Variants in GDNF observed in about 807,000 individuals in gnomAD.
GDNF encodes glial cell line-derived neurotrophic factor.
In GDNF, 5 loss-of-function variants were observed where a neutral mutation model predicts 13.7. That is an observed-to-expected ratio of 0.36 (90% CI 0.19 to 0.77). The LOEUF is 0.77. GDNF is among the 30% of genes least tolerant of loss of function. The pLI, the probability that GDNF is intolerant of heterozygous loss-of-function variation, is 0.51. For missense variants in GDNF, 246 were observed against 274.3 expected, an observed-to-expected ratio of 0.90 and a Z score of 0.73; for synonymous variants, 122 against 112.5, an observed-to-expected ratio of 1.08 and a Z score of -0.53.
At chr5:37,820,699 ACT>A (rs1561128909) in intron 2 of GDNF, among the ~76,000 whole-genome samples, 1 of 151,990 alleles carries the variant, frequency 6.6e-6, no homozygotes, top group Non-Finnish European at 1.5e-5. Flanking sequence ...GTATATGGGA[ACT>A]CTCTGCCTTC....
chr5:37,835,745 A>T (rs1750681844), intron 1 of GDNF: 5 of 1,131,010 alleles, frequency 4.4e-6, no homozygotes, highest in Non-Finnish European at 6.5e-6. Context: ...TCTGGCCCTA[A>T]TCCCTTCCCC....
At chr5:37,826,716 C>T (rs1383160740) in intron 2 of GDNF, among the ~76,000 whole-genome samples, 2 of 152,210 alleles carry the variant, frequency 1.3e-5, no homozygotes, top group African/African-American at 2.4e-5. Flanking sequence ...AAAGGGAATC[C>T]ATGTCCATTT....
chr5:37,828,959 C>G (rs1167324900), intron 2 of GDNF, among the ~76,000 whole-genome samples: 1 of 152,258 alleles, frequency 6.6e-6, no homozygotes, highest in Non-Finnish European at 1.5e-5. Context: ...CACTCAAAAG[C>G]AGTCTGGGTA....
rs547790814 is a variant in GDNF at position 37,837,535 on chromosome 5, G to A, written c.-27+1972C>T. 1.4e-4 allele frequency among the ~76,000 whole-genome samples: 22 copies of A among 152,312 alleles called. No homozygotes were observed. In the East Asian group the frequency reaches 2.9e-3, roughly 20 times the overall value. ...GTGCTCGCAGAAGCAGCCGCTCGCC[G>A]CGAGGCACTTCTGAGTTCCCGGCAG... is the stretch of plus-strand genomic sequence containing the variant. On this transcript the variant is annotated intron_variant, in intron 1 of 2. Coordinates refer to ENST00000326524, the MANE Select transcript of GDNF (RefSeq NM_000514.4). The surrounding 1 kb of genome is among the most constrained non-coding windows in gnomAD (Gnocchi z 6.5).
intron 2 of GDNF, among the ~76,000 whole-genome samples, chr5:37,822,682 C>T (rs184790138): frequency 3.9e-5 from 6 of 152,182 alleles, no homozygotes; most frequent in Non-Finnish European, 8.8e-5. Context: ...ATGCAAATTG[C>T]TCTACAGGCC....
At chr5:37,830,320 C>T (rs913117400) in intron 2 of GDNF, among the ~76,000 whole-genome samples, 5 of 152,108 alleles carry the variant, frequency 3.3e-5, no homozygotes, top group African/African-American at 7.2e-5. Context: ...CTTCCCATGA[C>T]GGAAGAGGTC....
At chr5:37,835,769 A>G (rs1041444442) in intron 1 of GDNF, 1 of 920,332 alleles carries the variant, frequency 1.1e-6, no homozygotes, top group African/African-American at 1.6e-5. Flanking sequence ...CAGAGGAGTC[A>G]CTGGCTCCCC....
intron 2 of GDNF, 21 bp downstream of exon 2, chr5:37,834,625 C>A: frequency 6.8e-7 from 1 of 1,479,710 alleles, no homozygotes; most frequent in Non-Finnish European, 8.9e-7. Context: ...GGCCCCCCCG[C>A]GGGGAGGGAA....
chr5:37,822,179 G>A (rs1750161504), intron 2 of GDNF, among the ~76,000 whole-genome samples: 1 of 152,162 alleles, frequency 6.6e-6, no homozygotes, highest in South Asian at 2.1e-4. Flanking sequence ...AGGCTCAGAG[G>A]GACCCAGGAG....
At position 37,835,780 on chromosome 5, in the gene GDNF, G is replaced by A. The variant is rs1581592930; in HGVS notation, c.-26-958C>T. ...CTCCCAGAGGAGTCACTGGCTCCCC[G>A]CGCCCCCGTCACGCCTGGACGACTG... is the stretch of plus-strand genomic sequence containing the variant. On this transcript the variant is annotated intron_variant, in intron 1 of 2. Coordinates refer to ENST00000326524, the MANE Select transcript of GDNF (RefSeq NM_000514.4). 1.8e-5 allele frequency: 15 copies of A among 835,998 alleles called. No homozygotes were observed. The East Asian group carries it at 3.4e-4, about 19-fold the overall frequency. The allele number at this position is 835,998 out of a possible 1,614,324, so 51.8% of individuals were successfully genotyped here.
At chr5:37,833,039 C>A (rs1750575218) in intron 2 of GDNF, among the ~76,000 whole-genome samples, 1 of 152,180 alleles carries the variant, frequency 6.6e-6, no homozygotes, top group Non-Finnish European at 1.5e-5. Context: ...CTGAAAGTCA[C>A]AGAGTTAGTT....
chr5:37,816,980 T>A (rs927878378), intron 2 of GDNF, among the ~76,000 whole-genome samples: 2 of 152,206 alleles, frequency 1.3e-5, no homozygotes, highest in African/African-American at 4.8e-5. Flanking sequence ...TAGAGTAAAA[T>A]GGCATTTATG....
intron 2 of GDNF, among the ~76,000 whole-genome samples, chr5:37,823,096 C>A (rs546339709): frequency 6.6e-6 from 1 of 152,314 alleles, no homozygotes; most frequent in Admixed American, 6.5e-5. Flanking sequence ...TAACTTTAAA[C>A]CTGACAACCT....
chr5:37,820,294 G>A (rs1035937394), intron 2 of GDNF, among the ~76,000 whole-genome samples: 5 of 152,194 alleles, frequency 3.3e-5, no homozygotes, highest in African/African-American at 1.2e-4. Context: ...TAATCTATAT[G>A]ATATATAACT....
At chr5:37,825,126 T>C (rs1243623483) in intron 2 of GDNF, among the ~76,000 whole-genome samples, 1 of 152,216 alleles carries the variant, frequency 6.6e-6, no homozygotes, top group Non-Finnish European at 1.5e-5. Context: ...CTGAATGACA[T>C]TGCACATACT....
At chr5:37,830,761 CTT>C (rs943094286) in intron 2 of GDNF, among the ~76,000 whole-genome samples, 4 of 152,300 alleles carry the variant, frequency 2.6e-5, no homozygotes, top group Admixed American at 6.5e-5. Flanking sequence ...CAGATTTACT[CTT>C]ATGCCTATTT....
At chr5:37,833,021 T>G (rs1246227739) in intron 2 of GDNF, among the ~76,000 whole-genome samples, 1 of 152,222 alleles carries the variant, frequency 6.6e-6, no homozygotes, top group Non-Finnish European at 1.5e-5. Flanking sequence ...AGCTCTAAAG[T>G]AACTTGCCTG....
At position 37,815,115 on chromosome 5, in the gene GDNF, T is replaced by A. The variant is rs747010935; in HGVS notation, c.*536A>T. 4.4e-5 allele frequency: 7 copies of A among 157,346 alleles called. No individual in the cohort carries two copies. The highest frequency in any genetic ancestry group is 1.7e-4 in the African/African-American group (7 of 41,472). 9.7% of individuals were successfully genotyped at this position (157,346 alleles called of 1,614,324 possible). On this transcript the variant is annotated 3_prime_UTR_variant, in exon 3 of 3. Transcript: ENST00000326524. The surrounding 1 kb of genome is among the most constrained non-coding windows in gnomAD (Gnocchi z 5.0). ...GATTATCTCTTGTATCTTTGCTTTT[T>A]TTTTCCCCTCTCCTTTCCAGGGTAT...
In GDNF at chr5:37,818,062, C is replaced by A. The variant is rs1285780084; in HGVS notation, c.152-1927G>T. On this transcript the variant is annotated intron_variant, in intron 2 of 2. Coordinates refer to ENST00000326524, the MANE Select transcript of GDNF (RefSeq NM_000514.4). ...TTCTTGTTCCCTCCCGTCTAGCTAC[C>A]CTGGCTTCCTTACCATTCCTCAAAC... Among the ~76,000 whole-genome samples, 3 of 152,158 alleles carry A rather than the reference C, an allele frequency of 2.0e-5. No homozygotes were observed. In the East Asian group the frequency reaches 5.8e-4, roughly 29 times the overall value.
Sources: gnomAD v4.1 joint callset for allele counts (sites outside exome capture counted in the v4.1 genomes callset) on GRCh38, gnomAD v4.1.1 for gene constraint, Gnocchi (gnomAD v3.1) non-coding constraint, MANE v1.5 for transcripts, NCBI Gene and HGNC (gene_info 2026-07-23, HGNC 2026-07-21) for gene names.